The following EYS variants were observed in gnomAD, a reference collection of about 807,000 sequenced individuals.
EYS encodes protein eyes shut homolog.
A neutral mutation model predicts 282.1 loss-of-function variants in EYS; 250 were observed. The ratio of observed to expected loss-of-function variants is 0.89; its 90% CI spans 0.80 to 0.98. The LOEUF is 0.98. Among genes scored for constraint, EYS ranks in the 50% least tolerant of loss-of-function variants. The probability of loss-of-function intolerance (pLI) is 0.00; values close to 1 mark genes in which losing one functional copy is unlikely to be tolerated. For synonymous variants in EYS, 1,355 were observed against 1,282.9 expected (o/e 1.06, Z -1.20); for missense variants, 4,016 against 3,709.0 (o/e 1.08, Z -2.15).
chr6:64,184,140 A>G (rs908949210), intron 31 of EYS, among the ~76,000 whole-genome samples: 5 of 152,034 alleles, frequency 3.3e-5, no homozygotes, highest in Non-Finnish European at 7.4e-5. Flanking sequence ...TTCCATGGCA[A>G]TTATCACCAT....
intron 34 of EYS, among the ~76,000 whole-genome samples, chr6:63,990,875 T>A (rs944981662): frequency 3.3e-5 from 5 of 151,652 alleles, no homozygotes; most frequent in Non-Finnish European, 5.9e-5. Context: ...AGACAGAGGC[T>A]GGTATAGCTT....
intron 2 of EYS, among the ~76,000 whole-genome samples, chr6:65,535,268 C>T (rs946233723): frequency 1.3e-5 from 2 of 152,054 alleles, no homozygotes; most frequent in Admixed American, 1.3e-4. Context: ...TGGCTGTGTC[C>T]CCACTCAAAT....
chr6:65,410,560 A>G (rs924702791), intron 5 of EYS, among the ~76,000 whole-genome samples: 1 of 147,494 alleles, frequency 6.8e-6, no homozygotes, highest in African/African-American at 2.5e-5. Flanking sequence ...TCCCCTCCCC[A>G]GTCTCTAGTA....
At chr6:64,225,172 C>A (rs1162889258) in intron 31 of EYS, among the ~76,000 whole-genome samples, 1 of 152,048 alleles carries the variant, frequency 6.6e-6, no homozygotes, top group Non-Finnish European at 1.5e-5. Flanking sequence ...ATTTTCTAAG[C>A]TGATTTCATT....
intron 31 of EYS, among the ~76,000 whole-genome samples, chr6:64,214,620 A>C (rs1765876031): frequency 6.6e-6 from 1 of 152,060 alleles, no homozygotes; most frequent in Admixed American, 6.5e-5. Flanking sequence ...ATGTCTACAC[A>C]GATTAAAGAT....
At chr6:64,308,873 C>A (rs1033754029) in intron 29 of EYS, among the ~76,000 whole-genome samples, 11 of 152,094 alleles carry the variant, frequency 7.2e-5, no homozygotes, top group African/African-American at 2.6e-4. Flanking sequence ...TCCAAAGAAA[C>A]TATTTAATGG....
chr6:64,457,016 C>T (rs1197815781), intron 26 of EYS, among the ~76,000 whole-genome samples: 1 of 151,980 alleles, frequency 6.6e-6, no homozygotes, highest in Non-Finnish European at 1.5e-5. Context: ...TTGCTACAAA[C>T]TTACCCCTTA....
intron 12 of EYS, among the ~76,000 whole-genome samples, chr6:65,062,151 T>G (rs1773595739): frequency 6.6e-6 from 1 of 151,914 alleles, no homozygotes; most frequent in African/African-American, 2.4e-5. Context: ...TCCCAGGAAC[T>G]CCTGGCTTCA....
At chr6:65,558,007 AG>A (rs1446840856) in intron 2 of EYS, among the ~76,000 whole-genome samples, 1 of 152,120 alleles carries the variant, frequency 6.6e-6, no homozygotes, top group East Asian at 1.9e-4. Flanking sequence ...ACCTGGAAAA[AG>A]TACCATAAGT....
At chr6:64,417,348 G>C (rs1486883146) in intron 28 of EYS, among the ~76,000 whole-genome samples, 1 of 152,010 alleles carries the variant, frequency 6.6e-6, no homozygotes, top group Non-Finnish European at 1.5e-5. Flanking sequence ...CAGGTACAGG[G>C]GTTTACAATG....
At chr6:65,702,177 G>A (rs1381934525) in intron 1 of EYS, among the ~76,000 whole-genome samples, 2 of 151,760 alleles carry the variant, frequency 1.3e-5, no homozygotes, top group African/African-American at 4.9e-5. Flanking sequence ...TTGTTTCTTT[G>A]ACTATTTTCT....
intron 1 of EYS, among the ~76,000 whole-genome samples, chr6:65,667,908 A>G (rs187854362): frequency 6.6e-6 from 1 of 152,054 alleles, no homozygotes; most frequent in East Asian, 1.9e-4. Context: ...TGGAATAAAA[A>G]GTGTTGGAAA....
intron 5 of EYS, among the ~76,000 whole-genome samples, chr6:65,432,759 C>T (rs1444043805): frequency 2.0e-5 from 3 of 152,112 alleles, no homozygotes; most frequent in African/African-American, 7.2e-5. Context: ...ATTGTTCTCC[C>T]TGCTGTTGGA....
chr6:63,789,020 T>C, intron 38 of EYS, 38 bp downstream of exon 38: 1 of 1,543,428 alleles, frequency 6.5e-7, no homozygotes, highest in Non-Finnish European at 8.8e-7. Flanking sequence ...ATACTAGTGC[T>C]CTCAGTTTGT....
intron 35 of EYS, among the ~76,000 whole-genome samples, chr6:63,866,338 T>C (rs1772671375): frequency 6.6e-6 from 1 of 152,178 alleles, no homozygotes; most frequent in Admixed American, 6.5e-5. Flanking sequence ...AGGTCAGTAT[T>C]AAGCATTTGT....
rs1387909178 is a variant in EYS at position 64,393,795 on chromosome 6, G to C, written c.5928-4955C>G. Among the ~76,000 whole-genome samples the C allele has an allele frequency of 7.9e-5, 12 of 151,946 alleles. No individual in the cohort carries two copies. In the East Asian group the frequency reaches 9.7e-4, roughly 12 times the overall value. On this transcript the variant is annotated intron_variant, in intron 28 of 42. Coordinates refer to ENST00000503581, the MANE Select transcript of EYS (RefSeq NM_001142800.2). ...AGTTCTGGCCAGGGCAATTAGGCAG[G>C]AGAAGGAAATAAATGGTATTCATTT...
intron 11 of EYS, among the ~76,000 whole-genome samples, chr6:65,299,654 A>G (rs1379088290): frequency 1.3e-5 from 2 of 152,200 alleles, no homozygotes; most frequent in South Asian, 2.1e-4. Flanking sequence ...TAGAATAACT[A>G]TAGTGTCTTC....
At chr6:64,927,865 C>A (rs1030949960) in intron 15 of EYS, among the ~76,000 whole-genome samples, 2 of 151,538 alleles carry the variant, frequency 1.3e-5, no homozygotes, top group African/African-American at 4.8e-5. Context: ...ATTTCTCATG[C>A]TGAAAAAAAG....
intron 31 of EYS, among the ~76,000 whole-genome samples, chr6:64,198,045 T>C (rs1014958831): frequency 1.3e-5 from 2 of 151,984 alleles, no homozygotes; most frequent in African/African-American, 4.8e-5. Flanking sequence ...CAGGCTGGAG[T>C]GCAGTGGCGT....
Sources: allele counts gnomAD v4.1 joint callset (sites outside exome capture counted in the v4.1 genomes callset), GRCh38; gene constraint gnomAD v4.1.1; transcripts MANE v1.5; gene names NCBI Gene and HGNC (gene_info 2026-07-23, HGNC 2026-07-21).